Variants in PRKCA observed in about 807,000 individuals in gnomAD.
PRKCA encodes protein kinase C alpha.
Under a neutral mutation model 87.0 loss-of-function variants are expected in PRKCA, and 27 were observed. That is an observed-to-expected ratio of 0.31 (90% CI 0.23 to 0.43). The LOEUF is 0.43. Among genes scored for constraint, PRKCA ranks in the 20% least tolerant of loss-of-function variants. The pLI, the probability that PRKCA is intolerant of heterozygous loss-of-function variation, is 1.00. For synonymous variants in PRKCA, 329 were observed against 311.1 expected, an observed-to-expected ratio of 1.06 and a Z score of -0.61; for missense variants, 518 against 852.3, an observed-to-expected ratio of 0.61 and a Z score of 4.88.
chr17:66,587,889 G>A (rs1469134961), intron 3 of PRKCA, among the ~76,000 whole-genome samples: 1,384 of 94,084 alleles, frequency 0.015, 96 homozygotes, highest in Non-Finnish European at 0.018. Context: ...GTGTGTGTGT[G>A]TGTGTGTATA....
At chr17:66,636,832 G>A (rs1971162323) in intron 3 of PRKCA, among the ~76,000 whole-genome samples, 1 of 152,132 alleles carries the variant, frequency 6.6e-6, no homozygotes, top group African/African-American at 2.4e-5. Context: ...GCCGGGACTG[G>A]GGTCAGAACA....
intron 8 of PRKCA, among the ~76,000 whole-genome samples, chr17:66,707,151 G>T (rs73997140): frequency 0.043 from 6,607 of 152,086 alleles, 464 homozygotes; most frequent in African/African-American, 0.15. Context: ...CCATGCTTGT[G>T]CTCCTTGGAA....
chr17:66,370,558 T>TC, intron 2 of PRKCA, among the ~76,000 whole-genome samples: 1 of 142,038 alleles, frequency 7.0e-6, no homozygotes, highest in African/African-American at 2.8e-5. Flanking sequence ...TCTTTTTTTT[T>TC]TTTTTTTTTT....
At chr17:66,482,184 A>C (rs555806659) in intron 2 of PRKCA, among the ~76,000 whole-genome samples, 18 of 152,090 alleles carry the variant, frequency 1.2e-4, no homozygotes, top group Admixed American at 1.2e-3. Flanking sequence ...AGAAGGATAC[A>C]TGTGGGTCTT....
chr17:66,454,826 G>C (rs1248148559), intron 2 of PRKCA, among the ~76,000 whole-genome samples: 1 of 152,236 alleles, frequency 6.6e-6, no homozygotes, highest in Non-Finnish European at 1.5e-5. Flanking sequence ...CGTATCAGTA[G>C]GTTTAAGGTT....
chr17:66,367,657 G>A (rs1004089254), intron 2 of PRKCA, among the ~76,000 whole-genome samples: 5 of 152,128 alleles, frequency 3.3e-5, no homozygotes, highest in Admixed American at 3.3e-4. Flanking sequence ...TGTCTACTTA[G>A]GTTAAATAAA....
At chr17:66,703,753 C>G (rs1157905607) in intron 8 of PRKCA, 2 of 151,650 alleles carry the variant, frequency 1.3e-5, no homozygotes, top group African/African-American at 4.9e-5. Context: ...TGAGATCGTG[C>G]CATTGCATTC....
intron 3 of PRKCA, among the ~76,000 whole-genome samples, chr17:66,595,877 A>G (rs1849995023): frequency 6.6e-6 from 1 of 152,232 alleles, no homozygotes; most frequent in African/African-American, 2.4e-5. Context: ...AAAAAGGTTA[A>G]ATCTATTACC....
At chr17:66,658,483 G>C (rs1411378098) in intron 5 of PRKCA, among the ~76,000 whole-genome samples, 1 of 128,698 alleles carries the variant, frequency 7.8e-6, no homozygotes, top group Non-Finnish European at 1.6e-5. Context: ...GCAAAACTCT[G>C]TCTTCAAAAA....
chr17:66,403,647 A>G (rs1911169635), intron 2 of PRKCA: 1 of 152,236 alleles, frequency 6.6e-6, no homozygotes, highest in Admixed American at 6.5e-5. Flanking sequence ...ATGTTGATGT[A>G]GGGATATCTT....
In PRKCA at chr17:66,547,366, G is replaced by A. The variant is rs1514654; in HGVS notation, c.288+51083G>A. Among the ~76,000 whole-genome samples the A allele has an allele frequency of 8.6e-5, 13 of 152,028 alleles. No homozygotes were observed. The East Asian group carries it at 9.7e-4, about 11-fold the overall frequency. On this transcript the variant is annotated intron_variant, in intron 3 of 16. Transcript: ENST00000413366. ...CAGTCCCAATCCCAGGTCCTGTTAC[G>A]TTTTACTGGATAATTTGTCTATCCT...
chr17:66,459,407 C>G (rs956408216), intron 2 of PRKCA, among the ~76,000 whole-genome samples: 1 of 152,070 alleles, frequency 6.6e-6, no homozygotes, highest in Non-Finnish European at 1.5e-5. Flanking sequence ...GATGAATACG[C>G]ACTGAAAGAT....
intron 2 of PRKCA, among the ~76,000 whole-genome samples, chr17:66,314,845 T>TTC (rs1042852194): frequency 1.8e-4 from 27 of 146,920 alleles, no homozygotes; most frequent in Admixed American, 9.8e-4. Flanking sequence ...TAGAATTTCT[T>TTC]TCTCTCTCTC....
intron 14 of PRKCA, among the ~76,000 whole-genome samples, chr17:66,778,528 G>A (rs1223068881): frequency 6.6e-6 from 1 of 151,728 alleles, no homozygotes; most frequent in East Asian, 1.9e-4. Flanking sequence ...AAAAATAAAA[G>A]AAAAAAAGAA....
At chr17:66,621,680 G>T (rs1032375598) in intron 3 of PRKCA, among the ~76,000 whole-genome samples, 2 of 152,086 alleles carry the variant, frequency 1.3e-5, no homozygotes, top group Non-Finnish European at 2.9e-5. Context: ...TACTGATCTG[G>T]TGTTTTCTTT....
At chr17:66,518,716 T>C (rs747597173) in intron 3 of PRKCA, among the ~76,000 whole-genome samples, 3 of 152,146 alleles carry the variant, frequency 2.0e-5, no homozygotes, top group Non-Finnish European at 2.9e-5. Context: ...AAAGAAAAGA[T>C]TTTTAACCCA....
intron 3 of PRKCA, among the ~76,000 whole-genome samples, chr17:66,517,058 G>A (rs1966991116): frequency 6.6e-6 from 1 of 152,166 alleles, no homozygotes; most frequent in Admixed American, 6.5e-5. Context: ...AGCCGAGGCG[G>A]GCGGATCACG....
chr17:66,578,453 A>C (rs1037194233), intron 3 of PRKCA, among the ~76,000 whole-genome samples: 1 of 152,198 alleles, frequency 6.6e-6, no homozygotes, highest in Non-Finnish European at 1.5e-5. Context: ...TGAAAATTAC[A>C]ATGGTTCAAG....
chr17:66,433,756 G>A (rs1271822945), intron 2 of PRKCA, among the ~76,000 whole-genome samples: 3 of 152,136 alleles, frequency 2.0e-5, no homozygotes, highest in East Asian at 3.9e-4. Context: ...TGTTGCCCAC[G>A]CTGGTCTCGA....
Sources: allele counts gnomAD v4.1 joint callset (sites outside exome capture counted in the v4.1 genomes callset), GRCh38; gene constraint gnomAD v4.1.1; transcripts MANE v1.5; gene names NCBI Gene and HGNC (gene_info 2026-07-23, HGNC 2026-07-21).